ZNF704: variants seen among roughly 807,000 people sequenced by gnomAD.
The protein encoded by ZNF704 is glucocorticoid induced gene 1.
In ZNF704, 10 loss-of-function variants were observed where a neutral mutation model predicts 44.7. The ratio of observed to expected loss-of-function variants is 0.22; its 90% CI spans 0.14 to 0.38. The LOEUF (loss-of-function observed/expected upper bound fraction) is 0.38. ZNF704 is among the 10% of genes least tolerant of loss of function. The pLI, the probability that ZNF704 is intolerant of heterozygous loss-of-function variation, is 1.00. For missense variants in ZNF704, 390 were observed against 545.5 expected (o/e 0.71, Z 2.84); for synonymous variants, 211 against 207.6 (o/e 1.02, Z -0.14).
At chr8:80,869,574 G>C (rs896019302) in intron 1 of ZNF704, among the ~76,000 whole-genome samples, 3 of 152,150 alleles carry the variant, frequency 2.0e-5, no homozygotes, top group Non-Finnish European at 4.4e-5. Flanking sequence ...TGGGTTTCAG[G>C]TTCCCTCCCT....
intron 2 of ZNF704, among the ~76,000 whole-genome samples, chr8:80,732,826 T>C (rs775460179): frequency 6.6e-6 from 1 of 151,796 alleles, no homozygotes; most frequent in African/African-American, 2.4e-5. Flanking sequence ...CGTGGTGGCA[T>C]GCGCCTGTAT....
chr8:80,879,445 G>A (rs1809398550), upstream of ZNF704, among the ~76,000 whole-genome samples: 1 of 151,992 alleles, frequency 6.6e-6, no homozygotes, highest in Admixed American at 6.6e-5. Flanking sequence ...TAGAAGCAGG[G>A]TTTCACTATG....
intron 2 of ZNF704, among the ~76,000 whole-genome samples, chr8:80,742,400 A>C (rs1382503097): frequency 6.6e-6 from 1 of 152,204 alleles, no homozygotes; most frequent in African/African-American, 2.4e-5. Flanking sequence ...AATGGAAATT[A>C]CTTAAAACCC....
At chr8:80,763,787 T>G (rs1209636221) in intron 2 of ZNF704, among the ~76,000 whole-genome samples, 1 of 152,184 alleles carries the variant, frequency 6.6e-6, no homozygotes. Flanking sequence ...ACTTTTATGA[T>G]CTGTCACCTC....
intron 2 of ZNF704, among the ~76,000 whole-genome samples, chr8:80,714,211 T>C (rs1819036621): frequency 1.3e-5 from 2 of 152,226 alleles, no homozygotes. Context: ...TTTTCCTGAC[T>C]CTTGATCATC....
At chr8:80,870,353 C>T (rs1244551817) in intron 1 of ZNF704, among the ~76,000 whole-genome samples, 3 of 152,164 alleles carry the variant, frequency 2.0e-5, no homozygotes, top group African/African-American at 2.4e-5. Context: ...TCTTTGTTCT[C>T]CTTTCCAAAA....
At chr8:80,817,217 G>T (rs1586048753) in intron 2 of ZNF704, among the ~76,000 whole-genome samples, 1 of 152,128 alleles carries the variant, frequency 6.6e-6, no homozygotes, top group African/African-American at 2.4e-5. Flanking sequence ...ATATTGTGGG[G>T]TGGGAGGAAG....
chr8:80,741,621 T>C (rs2131693706), intron 2 of ZNF704, among the ~76,000 whole-genome samples: 1 of 152,332 alleles, frequency 6.6e-6, no homozygotes, highest in Middle Eastern at 3.4e-3. Context: ...AGGCTCTTAT[T>C]TGAAGGGCCA....
At chr8:80,749,514 C>G (rs1157128099) in intron 2 of ZNF704, 1 of 153,192 alleles carries the variant, frequency 6.5e-6, no homozygotes, top group Non-Finnish European at 1.5e-5. Flanking sequence ...GCGGAATCAT[C>G]TAATATAACA....
chr8:80,883,245 C>CAAAAAAA, the ZNF704 span, among the ~76,000 whole-genome samples: 1 of 83,426 alleles, frequency 1.2e-5, no homozygotes, highest in African/African-American at 4.5e-5. Context: ...GACACCCTCT[C>CAAAAAAA]AAAAAAAAAA....
At chr8:80,793,479 ATATAT>A (rs1388240657) in intron 2 of ZNF704, among the ~76,000 whole-genome samples, 5 of 152,172 alleles carry the variant, frequency 3.3e-5, no homozygotes, top group African/African-American at 1.2e-4. Context: ...TACATTCATA[ATATAT>A]TAATTATTAT....
intron 1 of ZNF704, among the ~76,000 whole-genome samples, chr8:80,833,211 G>A (rs115846593): frequency 1.7e-3 from 252 of 152,214 alleles, no homozygotes; most frequent in African/African-American, 5.5e-3. Context: ...TTAGCTGGGC[G>A]TGGTGGTGTG....
At chr8:80,683,038 T>C (rs7814457) in intron 4 of ZNF704, among the ~76,000 whole-genome samples, 17 of 152,306 alleles carry the variant, frequency 1.1e-4, no homozygotes, top group African/African-American at 3.4e-4. Flanking sequence ...GTGGAATTGA[T>C]GGTTAACTCT....
upstream of ZNF704, among the ~76,000 whole-genome samples, chr8:80,878,041 C>G (rs555473077): frequency 2.0e-5 from 3 of 152,152 alleles, no homozygotes; most frequent in Admixed American, 1.3e-4. Flanking sequence ...CCATTCTCCC[C>G]TACTGTCCGC....
At chr8:80,826,096 T>A (rs1003375142) in intron 1 of ZNF704, among the ~76,000 whole-genome samples, 1 of 151,782 alleles carries the variant, frequency 6.6e-6, no homozygotes, top group African/African-American at 2.4e-5. Flanking sequence ...CTGAAAGAAA[T>A]AGAGACACAA....
intron 2 of ZNF704, among the ~76,000 whole-genome samples, chr8:80,815,729 T>A (rs61338656): frequency 0.049 from 7,474 of 152,270 alleles, 581 homozygotes; most frequent in African/African-American, 0.17. Flanking sequence ...CACTTAACTT[T>A]CTGAATCTGT....
At chr8:80,870,274 C>A (rs903877170) in intron 1 of ZNF704, among the ~76,000 whole-genome samples, 10 of 152,222 alleles carry the variant, frequency 6.6e-5, no homozygotes, top group African/African-American at 2.4e-4. Context: ...TTAGTCATAA[C>A]ACTAGGGTCT....
At chr8:80,672,626 T>TG (rs1181960292) in intron 4 of ZNF704, among the ~76,000 whole-genome samples, 1 of 152,160 alleles carries the variant, frequency 6.6e-6, no homozygotes, top group African/African-American at 2.4e-5. Flanking sequence ...TGGACGCAGC[T>TG]GGAGGCCATT....
chr8:80,838,716 A>C, intron 1 of ZNF704, among the ~76,000 whole-genome samples: 1 of 137,002 alleles, frequency 7.3e-6, no homozygotes, highest in South Asian at 2.4e-4. Context: ...AGGAGGAGGA[A>C]GAGGGGAGCA....
Sources: allele counts gnomAD v4.1 joint callset (sites outside exome capture counted in the v4.1 genomes callset), GRCh38; gene constraint gnomAD v4.1.1; transcripts MANE v1.5; gene names NCBI Gene and HGNC (gene_info 2026-07-23, HGNC 2026-07-21).